The following TFAP2B variants were observed in gnomAD, a reference collection of about 807,000 sequenced individuals.
TFAP2B encodes the protein transcription factor AP-2-beta.
In TFAP2B, 9 loss-of-function variants were observed where a neutral mutation model predicts 44.3. The ratio of observed to expected loss-of-function variants is 0.20; its 90% CI spans 0.12 to 0.35. The LOEUF (loss-of-function observed/expected upper bound fraction) is 0.35, where lower values mean the gene tolerates loss of function less well. TFAP2B is among the 10% of genes least tolerant of loss of function. The probability of loss-of-function intolerance (pLI) is 1.00; values close to 1 mark genes in which losing one functional copy is unlikely to be tolerated. For synonymous variants in TFAP2B, 270 were observed against 263.8 expected (o/e 1.02, Z -0.23); for missense variants, 509 against 600.0 (o/e 0.85, Z 1.59).
In TFAP2B at chr6:50,823,706, C is replaced by T. The variant is rs748580895; in HGVS notation, c.381C>T (p.Ala127=). ...GCTCTCTCCTGCCCCAGCCTCGGGCCGCCTTGCCCCAGCTCTCGGGCCTTG... is the reference window on the plus strand; with the variant it reads ...GCTCTCTCCTGCCCCAGCCTCGGGCTGCCTTGCCCCAGCTCTCGGGCCTTG... ...EAGSLLPQPR[A]ALPQLSGLDP... Residue 127 remains alanine, a synonymous_variant, in exon 2 of 7, where the codon GCC becomes GCT. Coordinates refer to ENST00000393655, the MANE Select transcript of TFAP2B (RefSeq NM_003221.4). 1.8e-5 allele frequency: 29 copies of T among 1,613,456 alleles called. No individual in the cohort carries two copies. In the East Asian group the frequency reaches 3.3e-4, roughly 19 times the overall value.
chr6:50,819,574 C>A (rs1254623252), intron 1 of TFAP2B, among the ~76,000 whole-genome samples: 1 of 152,226 alleles, frequency 6.6e-6, no homozygotes, highest in Non-Finnish European at 1.5e-5. Context: ...AGGGTCACTG[C>A]GTCCGAACAG....
At chr6:50,823,147 TG>T (rs1186184344) in intron 1 of TFAP2B, among the ~76,000 whole-genome samples, 2 of 152,110 alleles carry the variant, frequency 1.3e-5, no homozygotes, top group African/African-American at 4.8e-5. Flanking sequence ...TATAGTTAAG[TG>T]GGTGATTCCT....
intron 1 of TFAP2B, among the ~76,000 whole-genome samples, chr6:50,820,172 G>A (rs1352232394): frequency 6.6e-6 from 1 of 152,254 alleles, no homozygotes; most frequent in Non-Finnish European, 1.5e-5. Context: ...TGGCGGGCGC[G>A]GGCCGCTAGG....
chr6:50,826,920 A>T (rs1770525376), intron 2 of TFAP2B, among the ~76,000 whole-genome samples: 1 of 152,212 alleles, frequency 6.6e-6, no homozygotes, highest in Non-Finnish European at 1.5e-5. Context: ...GCGCTTCCGC[A>T]TGCAGTCCTA....
chr6:50,841,440 TG>T, intron 6 of TFAP2B, among the ~76,000 whole-genome samples: 1 of 151,720 alleles, frequency 6.6e-6, no homozygotes, highest in South Asian at 2.1e-4. Context: ...GGTGTGTGTG[TG>T]GGGGGGATCA....
chr6:50,833,025 A>T (rs1278665285), intron 3 of TFAP2B, among the ~76,000 whole-genome samples: 1 of 152,218 alleles, frequency 6.6e-6, no homozygotes, highest in Non-Finnish European at 1.5e-5. Context: ...AGAGGAAAAA[A>T]ATACTTCTAA....
Position 50,840,188 on chromosome 6 carries a change from T to C in TFAP2B, c.973T>C (p.Tyr325His). ...EAVHLARDFG[Y>H]ICETEFPAKA... ...TGTTCACTTAGCTAGGGATTTTGGG[T>C]ACATTTGCGAAACGGAGTTTCCCGC... Residue 325 changes from tyrosine (Y) to histidine (H), a missense_variant, in exon 6 of 7, where the codon TAC (tyrosine) becomes CAC (histidine). Tyr to His is a moderately conservative substitution (Grantham distance 83, BLOSUM62 2). This residue lies in a region of TFAP2B where 168 missense variants were observed against 183.2 expected (regional missense o/e 0.92). Transcript: ENST00000393655. 1 of 1,614,140 alleles carries C rather than the reference T, an allele frequency of 6.2e-7. No homozygotes were observed. The highest frequency in any genetic ancestry group is 2.2e-5 in the East Asian group (1 of 44,878).
rs934664886 is a variant in TFAP2B, at chr6:50,823,506, C to A, written c.181C>A (p.Pro61Thr). ...GAGCGCCCCGCCGCTGTCCCACACC[C>A]CGTCGTCGGACTTCCAGCCGCCCTA... is the stretch of plus-strand genomic sequence containing the variant. ...YSSAPPLSHTPSSDFQPPYFP... is the reference protein window; with the variant it reads ...YSSAPPLSHTTSSDFQPPYFP... The change falls in exon 2 of 7, where the codon CCG becomes ACG. Residue 61 changes from proline to threonine, a missense_variant. Pro to Thr is a conservative substitution (Grantham distance 38). Around this residue, in one of 3 missense-constraint regions of TFAP2B, gnomAD observed 296 missense variants for 308.2 expected, o/e 0.96. Transcript: ENST00000393655. The A allele has an allele frequency of 2.7e-5, 43 of 1,613,682 alleles. No individual in the cohort carries two copies. The highest frequency in any genetic ancestry group is 3.5e-5 in the Non-Finnish European group (41 of 1,179,920).
rs1353619513 is a variant in TFAP2B, at chr6:50,843,928, C to G, written c.*536C>G. 4 of 156,568 alleles carry G rather than the reference C, an allele frequency of 2.6e-5. No homozygotes were observed. Among genetic ancestry groups the G allele is most frequent in the African/African-American group, 9.6e-5 (4 of 41,464 alleles). 9.7% of individuals were successfully genotyped at this position (156,568 alleles called of 1,614,324 possible). A position where few individuals can be genotyped will look rare whatever the true frequency, so the allele number is the denominator to read the frequency against. On this transcript the variant is annotated 3_prime_UTR_variant, in exon 7 of 7. Coordinates refer to ENST00000393655, the MANE Select transcript of TFAP2B (RefSeq NM_003221.4). ...TTACCCTCCCTTCCTCACATTGTTA[C>G]GGGAATCTTCTGGGATGAAAATGAG...
rs35732696 is a variant in TFAP2B, at chr6:50,844,290, TA to T, written c.*911del. The T allele has an allele frequency of 0.062, 8,228 of 133,052 alleles. 273 individuals carry two copies. The highest frequency in any genetic ancestry group is 0.098 in the Non-Finnish European group (5,770 of 58,904). 8.2% of individuals were successfully genotyped at this position (133,052 alleles called of 1,614,324 possible). On this transcript the variant is annotated 3_prime_UTR_variant, in exon 7 of 7. Transcript: ENST00000393655. ...CATCTACTAATTTTATGAACTATAGTAAAAAAAAAAAAACACACACACACAC... is the reference window on the plus strand; with the variant it reads ...CATCTACTAATTTTATGAACTATAGTAAAAAAAAAAAACACACACACACAC...
rs887027805 is a variant in TFAP2B, at chr6:50,823,977, C to A, written c.540+112C>A. On this transcript the variant is annotated intron_variant, in intron 2 of 6. Transcript: ENST00000393655. The stretch of plus-strand genomic sequence containing the variant: ...CTGTCTCTTTTTGGGGAGTTTGTTC[C>A]CATGTTTAGAACAGGACTAGACAGT... The A allele has an allele frequency of 9.9e-6, 12 of 1,209,702 alleles. No individual in the cohort carries two copies. In the African/African-American group the frequency reaches 1.6e-4, roughly 17 times the overall value. 74.9% of individuals were successfully genotyped at this position (1,209,702 alleles called of 1,614,324 possible).
upstream of TFAP2B, chr6:50,818,786 A>G: frequency 1.0e-6 from 1 of 975,280 alleles, no homozygotes; most frequent in South Asian, 1.4e-5. Flanking sequence ...ATAAGTTGCG[A>G]TGGGAGAGGA....
intron 3 of TFAP2B, among the ~76,000 whole-genome samples, chr6:50,833,696 G>C (rs192718826): frequency 6.8e-4 from 103 of 152,216 alleles, no homozygotes; most frequent in South Asian, 2.7e-3. Flanking sequence ...GGGTGAATCA[G>C]GCAATTAACA....
At chr6:50,822,296 T>C (rs1271349498) in intron 1 of TFAP2B, 5 of 685,704 alleles carry the variant, frequency 7.3e-6, no homozygotes, top group Non-Finnish European at 1.1e-5. Flanking sequence ...TTTGGCTTGG[T>C]AATTTAGCAC....
intron 6 of TFAP2B, among the ~76,000 whole-genome samples, chr6:50,842,053 G>A (rs189916322): frequency 2.0e-5 from 3 of 152,162 alleles, no homozygotes; most frequent in Middle Eastern, 3.2e-3. Context: ...TCTGTGAGTC[G>A]GGCCAACCCA....
At chr6:50,840,518 C>T (rs1461195084) in intron 6 of TFAP2B, among the ~76,000 whole-genome samples, 1 of 152,224 alleles carries the variant, frequency 6.6e-6, no homozygotes. Context: ...ATCCAGCCTT[C>T]TTACAATTCT....
At chr6:50,828,078 A>G (rs1241456355) in intron 2 of TFAP2B, among the ~76,000 whole-genome samples, 2 of 152,192 alleles carry the variant, frequency 1.3e-5, no homozygotes, top group Non-Finnish European at 2.9e-5. Flanking sequence ...AGTTTACAGG[A>G]ACGTGTATGG....
chr6:50,822,320 G>A (rs964433909), intron 1 of TFAP2B, among the ~76,000 whole-genome samples: 1 of 152,078 alleles, frequency 6.6e-6, no homozygotes, highest in Non-Finnish European at 1.5e-5. Context: ...AATTGGACGA[G>A]GCTGCAGCTG....
upstream of TFAP2B, chr6:50,818,732 T>C: frequency 1.5e-6 from 1 of 645,980 alleles, no homozygotes; most frequent in South Asian, 1.8e-5. Flanking sequence ...TTTTTTCTCT[T>C]TGCTGAGGCT....
Sources: allele counts gnomAD v4.1 joint callset (sites outside exome capture counted in the v4.1 genomes callset), GRCh38; gene constraint gnomAD v4.1.1; regional missense constraint gnomAD v4.1.1; transcripts MANE v1.5; gene names NCBI Gene and HGNC (gene_info 2026-07-23, HGNC 2026-07-21).